The following PTPN3 variants were observed in gnomAD, a reference collection of about 807,000 sequenced individuals.
PTPN3 encodes tyrosine-protein phosphatase non-receptor type 3.
PTPN3 carries 96 observed loss-of-function variants against 132.7 expected under a neutral mutation model. The observed-to-expected ratio is 0.72, with a 90% CI of 0.61 to 0.86. The LOEUF is 0.86. Ranked by LOEUF, PTPN3 falls within the 40% of genes least tolerant of loss-of-function variation. The pLI, the probability that PTPN3 is intolerant of heterozygous loss-of-function variation, is 0.00. For missense variants in PTPN3, 1,125 were observed against 1,159.6 expected (o/e 0.97, Z 0.43); for synonymous variants, 398 against 429.0 (o/e 0.93, Z 0.89).
intron 6 of PTPN3, 57 bp from the exon 7 acceptor site, chr9:109,445,349 T>G: frequency 6.9e-7 from 1 of 1,448,894 alleles, no homozygotes; most frequent in Non-Finnish European, 9.7e-7. Flanking sequence ...GCCTTAAACA[T>G]TGACAGATCA....
At chr9:109,391,245 T>A (rs759559009) in intron 20 of PTPN3, 46 bp from the exon 21 acceptor site, 2 of 1,561,256 alleles carry the variant, frequency 1.3e-6, no homozygotes, top group South Asian at 2.3e-5. Flanking sequence ...GCATTATTTT[T>A]ATCATACCAA....
At chr9:109,468,435 C>A (rs535801997) in intron 1 of PTPN3, among the ~76,000 whole-genome samples, 1 of 152,096 alleles carries the variant, frequency 6.6e-6, no homozygotes, top group East Asian at 1.9e-4. Flanking sequence ...GGCGTGATCT[C>A]GGCTCACTGC....
chr9:109,505,638 C>T, the PTPN3 span, among the ~76,000 whole-genome samples: 2 of 152,134 alleles, frequency 1.3e-5, no homozygotes, highest in East Asian at 1.9e-4. Flanking sequence ...CTCCAATATA[C>T]GTACACCAAG....
chr9:109,425,192 T>C (rs548828737), intron 12 of PTPN3, among the ~76,000 whole-genome samples: 1 of 152,200 alleles, frequency 6.6e-6, no homozygotes, highest in Non-Finnish European at 1.5e-5. Flanking sequence ...AGCTGAGAGA[T>C]AGCATTTAGC....
chr9:109,532,227 A>C, the PTPN3 span, among the ~76,000 whole-genome samples: 1 of 152,204 alleles, frequency 6.6e-6, no homozygotes. Flanking sequence ...TGGCAGATAC[A>C]CTAACTACAA....
the PTPN3 span, among the ~76,000 whole-genome samples, chr9:109,510,484 G>C: frequency 1.3e-5 from 2 of 149,550 alleles, no homozygotes; most frequent in Admixed American, 1.3e-4. Context: ...CTTGAACCCC[G>C]GAGGCAGAGG....
chr9:109,433,922 A>T (rs1219893937), intron 9 of PTPN3, among the ~76,000 whole-genome samples: 4 of 149,388 alleles, frequency 2.7e-5, no homozygotes, highest in Admixed American at 6.6e-5. Flanking sequence ...TGTTTAAAAA[A>T]AAAAAAAAAA....
At chr9:109,443,076 T>TA (rs1844609274) in intron 7 of PTPN3, among the ~76,000 whole-genome samples, 1 of 82,880 alleles carries the variant, frequency 1.2e-5, no homozygotes, top group African/African-American at 4.0e-5. Flanking sequence ...AGACATCAGA[T>TA]TTTTTTTTTT....
chr9:109,441,786 G>C (rs754120442), intron 7 of PTPN3, among the ~76,000 whole-genome samples: 19 of 151,922 alleles, frequency 1.3e-4, no homozygotes, highest in Non-Finnish European at 2.8e-4. Flanking sequence ...CTGTTGCTCA[G>C]GCTGGTGTGC....
chr9:109,389,627 T>G (rs1028267699), intron 21 of PTPN3, among the ~76,000 whole-genome samples: 1 of 152,198 alleles, frequency 6.6e-6, no homozygotes, highest in Non-Finnish European at 1.5e-5. Flanking sequence ...CAGAAATCTA[T>G]CTGTGAGATG....
the PTPN3 span, among the ~76,000 whole-genome samples, chr9:109,535,360 G>A: frequency 6.6e-6 from 1 of 152,090 alleles, no homozygotes. Context: ...GTAAAATATA[G>A]ACCTGATCCA....
At chr9:109,399,549 T>C (rs950544148) in intron 19 of PTPN3, among the ~76,000 whole-genome samples, 1 of 152,098 alleles carries the variant, frequency 6.6e-6, no homozygotes, top group Non-Finnish European at 1.5e-5. Flanking sequence ...ATGCTAATTA[T>C]TAAGTGTGAT....
intron 1 of PTPN3, among the ~76,000 whole-genome samples, chr9:109,489,901 G>A (rs1847378329): frequency 6.6e-6 from 1 of 152,136 alleles, no homozygotes; most frequent in South Asian, 2.1e-4. Context: ...CAACATCCAG[G>A]CCGGGTGGGG....
chr9:109,524,403 A>AAT, the PTPN3 span, among the ~76,000 whole-genome samples: 1 of 39,294 alleles, frequency 2.5e-5, no homozygotes, highest in Non-Finnish European at 4.7e-5. Context: ...GAGCCTCTGA[A>AAT]GTTCAGATAC....
chr9:109,532,802 G>A, the PTPN3 span: 1 of 680,766 alleles, frequency 1.5e-6, no homozygotes, highest in Non-Finnish European at 2.1e-6. Flanking sequence ...GACTACACCG[G>A]TTGATGATAG....
the PTPN3 span, among the ~76,000 whole-genome samples, chr9:109,528,507 G>A: frequency 1.2e-4 from 19 of 152,268 alleles, no homozygotes; most frequent in African/African-American, 4.6e-4. Flanking sequence ...ACTTATATGA[G>A]GTTCAAAAAC....
chr9:109,523,758 T>A, the PTPN3 span, among the ~76,000 whole-genome samples: 3 of 152,276 alleles, frequency 2.0e-5, no homozygotes, highest in Non-Finnish European at 4.4e-5. Flanking sequence ...CTTATATAAA[T>A]GTGTACACAC....
chr9:109,533,451 A>G, the PTPN3 span: 8 of 1,515,934 alleles, frequency 5.3e-6, no homozygotes, highest in Non-Finnish European at 7.3e-6. Flanking sequence ...TGGCCGGTTT[A>G]GGGTTTTCTG....
chr9:109,508,853 T>C, the PTPN3 span, among the ~76,000 whole-genome samples: 1 of 151,480 alleles, frequency 6.6e-6, no homozygotes, highest in Non-Finnish European at 1.5e-5. Flanking sequence ...AGTCAGGATG[T>C]CCCCCCCCCA....
Sources: allele counts gnomAD v4.1 joint callset (sites outside exome capture counted in the v4.1 genomes callset), GRCh38; gene constraint gnomAD v4.1.1; transcripts MANE v1.5; gene names NCBI Gene and HGNC (gene_info 2026-07-23, HGNC 2026-07-21).